Variants in OSBPL5 observed in about 807,000 individuals in gnomAD.
OSBPL5 encodes the protein oxysterol-binding protein-related protein 5.
Under a neutral mutation model 111.2 loss-of-function variants are expected in OSBPL5, and 71 were observed. The observed-to-expected ratio is 0.64, with a 90% confidence interval of 0.53 to 0.78. OSBPL5 has a LOEUF of 0.78. Among genes scored for constraint, OSBPL5 ranks in the 30% least tolerant of loss-of-function variants. The pLI is 0.00. For missense variants in OSBPL5, 1,210 were observed against 1,189.3 expected (o/e 1.02, Z -0.26); for synonymous variants, 549 against 513.9 (o/e 1.07, Z -0.93).
intron 1 of OSBPL5, among the ~76,000 whole-genome samples, chr11:3,157,245 C>A (rs559413177): frequency 1.3e-5 from 2 of 152,276 alleles, no homozygotes; most frequent in East Asian, 1.9e-4. Flanking sequence ...GTGGGCCTTG[C>A]GGGGCCCAGA....
intron 1 of OSBPL5, among the ~76,000 whole-genome samples, chr11:3,139,382 G>C (rs141909151): frequency 6.6e-6 from 1 of 152,228 alleles, no homozygotes; most frequent in Non-Finnish European, 1.5e-5. Flanking sequence ...CCAGTGCTCT[G>C]TGGGGCCACG....
chr11:3,136,426 G>A (rs1845949799), intron 1 of OSBPL5, among the ~76,000 whole-genome samples: 1 of 152,274 alleles, frequency 6.6e-6, no homozygotes, highest in Non-Finnish European at 1.5e-5. Context: ...GGCAGACACT[G>A]CCTCAGCTCT....
At chr11:3,151,591 A>G (rs1346538242) in intron 1 of OSBPL5, among the ~76,000 whole-genome samples, 1 of 152,234 alleles carries the variant, frequency 6.6e-6, no homozygotes, top group African/African-American at 2.4e-5. Context: ...CAAGGGGTTG[A>G]AGATGAAGCC....
chr11:3,101,573 C>T (rs114586944), intron 13 of OSBPL5, 30 bp downstream of exon 13: 6 of 1,591,996 alleles, frequency 3.8e-6, no homozygotes, highest in Non-Finnish European at 5.2e-6. Context: ...TCCCTGAGGC[C>T]CCAGGGAGCG....
intron 19 of OSBPL5, 139 bp from the exon 20 acceptor site, chr11:3,090,835 T>C: frequency 8.5e-7 from 1 of 1,169,716 alleles, no homozygotes; most frequent in Non-Finnish European, 1.2e-6. Context: ...GCTGTGGAGC[T>C]GGCTGGAGGG....
rs938097180 is a variant in OSBPL5 at position 3,113,968 on chromosome 11, C to T, written c.691+5579G>A. ...GGTGTTTCCATAATTTAAATAATGACAATTGCAGTTTTTATAAATAATCTA... is the reference window on the plus strand; with the variant it reads ...GGTGTTTCCATAATTTAAATAATGATAATTGCAGTTTTTATAAATAATCTA... On this transcript the variant is annotated intron_variant, in intron 7 of 21. Transcript: ENST00000263650. The surrounding 1 kb of genome is among the most constrained non-coding windows in gnomAD (Gnocchi z 4.8). 1.3e-5 allele frequency among the ~76,000 whole-genome samples: 2 copies of T among 152,002 alleles called. No individual in the cohort carries two copies. Among genetic ancestry groups the T allele is most frequent in the African/African-American group, 4.8e-5 (2 of 41,398 alleles).
intron 1 of OSBPL5, among the ~76,000 whole-genome samples, chr11:3,163,414 C>G (rs1006028420): frequency 6.6e-6 from 1 of 152,012 alleles, no homozygotes; most frequent in Non-Finnish European, 1.5e-5. Flanking sequence ...TCTCCCTCCC[C>G]CAAGCGTTAC....
intron 1 of OSBPL5, among the ~76,000 whole-genome samples, chr11:3,164,613 G>A (rs757308915): frequency 6.6e-6 from 1 of 152,178 alleles, no homozygotes; most frequent in Non-Finnish European, 1.5e-5. Flanking sequence ...CATCTTCAGG[G>A]GGTCAGTGCC....
In OSBPL5 at chr11:3,140,403, A is replaced by G. The variant is rs1193930233; in HGVS notation, c.-21-11234T>C. Among the ~76,000 whole-genome samples, 1 of 152,108 alleles carries G rather than the reference A, an allele frequency of 6.6e-6. No individual in the cohort carries two copies. The highest frequency in any genetic ancestry group is 2.4e-5 in the African/African-American group (1 of 41,412). On this transcript the variant is annotated intron_variant, in intron 1 of 21. Transcript: ENST00000263650. This position sits in a 1 kb window ranked among gnomAD's most constrained non-coding sequence, Gnocchi z 4.5. ...AAGCTAGGACACCCTTCCCAGGGCC[A>G]AGGCAGCCCAGGAAAAGCCAGCACA...
In OSBPL5 at chr11:3,104,435, C is replaced by T. The variant is rs1352900948; in HGVS notation, c.1060-58G>A. ...CGGAAGAGCCGGGAGGAAGGGGTGG[C>T]GGGACAGTGGCAGCTCTGGCTGGAG... On this transcript the variant is annotated intron_variant, in intron 9 of 21. Coordinates refer to ENST00000263650, the MANE Select transcript of OSBPL5 (RefSeq NM_020896.4). The surrounding 1 kb of genome is among the most constrained non-coding windows in gnomAD (Gnocchi z 5.0). The T allele has an allele frequency of 1.9e-5, 30 of 1,570,672 alleles. No individual in the cohort carries two copies. In the East Asian group the frequency reaches 3.2e-4, roughly 17 times the overall value.
chr11:3,090,504 ATC>A, intron 20 of OSBPL5, 52 bp downstream of exon 20: 1 of 1,587,258 alleles, frequency 6.3e-7, no homozygotes, highest in Non-Finnish European at 8.6e-7. Context: ...CCAGGTCAGC[ATC>A]TGAGGCACCC....
intron 7 of OSBPL5, among the ~76,000 whole-genome samples, chr11:3,112,043 GCGCA>G (rs1205051108): frequency 4.7e-4 from 36 of 76,398 alleles, no homozygotes; most frequent in African/African-American, 1.5e-3. Flanking sequence ...GTATGTGTGC[GCGCA>G]TGTGTGTGCA....
At chr11:3,150,312 A>C (rs1846538426) in intron 1 of OSBPL5, among the ~76,000 whole-genome samples, 1 of 152,162 alleles carries the variant, frequency 6.6e-6, no homozygotes, top group South Asian at 2.1e-4. Flanking sequence ...TTTTTTTAAA[A>C]AAAAAGTTTT....
chr11:3,098,738 C>T (rs1384977296), intron 14 of OSBPL5, among the ~76,000 whole-genome samples: 2 of 151,598 alleles, frequency 1.3e-5, no homozygotes, highest in African/African-American at 2.4e-5. Flanking sequence ...CTCCTGACCT[C>T]AGGTGATCCA....
intron 1 of OSBPL5, among the ~76,000 whole-genome samples, chr11:3,156,080 G>A (rs1031006485): frequency 3.9e-5 from 6 of 152,224 alleles, no homozygotes; most frequent in Non-Finnish European, 7.3e-5. Flanking sequence ...GTGGGGGTAG[G>A]GATGATTCCC....
intron 20 of OSBPL5, 80 bp downstream of exon 20, chr11:3,090,478 C>T (rs1467254558): frequency 5.8e-6 from 9 of 1,548,000 alleles, no homozygotes; most frequent in Non-Finnish European, 7.9e-6. Flanking sequence ...AGGTGCTTCT[C>T]TGGCCTCCCC....
intron 7 of OSBPL5, among the ~76,000 whole-genome samples, chr11:3,117,508 C>A (rs565533558): frequency 2.5e-4 from 38 of 152,308 alleles, no homozygotes; most frequent in African/African-American, 8.9e-4. Flanking sequence ...TCTTGCTGCA[C>A]TGTATATAAA....
rs139767900 is a variant in OSBPL5, at chr11:3,141,594, G to A, written c.-21-12425C>T. ...GGCCCGAGTTGCGCAGAGAGGACAG[G>A]GAGGGGCTGGATTTTGCTGACCTCC... On this transcript the variant is annotated intron_variant, in intron 1 of 21. Transcript: ENST00000263650. This position sits in a 1 kb window ranked among gnomAD's most constrained non-coding sequence, Gnocchi z 6.5. Among the ~76,000 whole-genome samples, 10 of 152,332 alleles carry A rather than the reference G, an allele frequency of 6.6e-5. No homozygotes were observed. Among genetic ancestry groups the A allele is most frequent in the East Asian group, 1.9e-4 (1 of 5,168 alleles).
chr11:3,111,503 T>C (rs1385645211), intron 7 of OSBPL5, among the ~76,000 whole-genome samples: 1 of 152,220 alleles, frequency 6.6e-6, no homozygotes, highest in Non-Finnish European at 1.5e-5. Flanking sequence ...GAGCACTCAG[T>C]GATCACGTAA....
Sources: allele counts gnomAD v4.1 joint callset (sites outside exome capture counted in the v4.1 genomes callset), GRCh38; gene constraint gnomAD v4.1.1; non-coding constraint Gnocchi (gnomAD v3.1); transcripts MANE v1.5; gene names NCBI Gene and HGNC (gene_info 2026-07-23, HGNC 2026-07-21).